FAT3: variants seen among roughly 807,000 people sequenced by gnomAD.
FAT3 encodes FAT atypical cadherin 3, also known as protocadherin Fat 3.
Under a neutral mutation model 310.2 loss-of-function variants are expected in FAT3, and 95 were observed. That is an observed-to-expected ratio of 0.31 (90% confidence interval 0.26 to 0.36). The LOEUF (loss-of-function observed/expected upper bound fraction) is 0.36, where lower values mean the gene tolerates loss of function less well. FAT3 is among the 10% of genes least tolerant of loss of function. The pLI is 1.00. For synonymous variants in FAT3, 2,314 were observed against 2,192.9 expected (o/e 1.06, Z -1.54); for missense variants, 5,408 against 5,715.6 (o/e 0.95, Z 1.74).
intron 14 of FAT3, among the ~76,000 whole-genome samples, chr11:92,833,085 G>T (rs564202264): frequency 6.6e-6 from 1 of 152,172 alleles, no homozygotes. Flanking sequence ...AGTATTAGAC[G>T]TGCTTCAGGC....
chr11:92,617,864 C>A (rs1424401724), intron 3 of FAT3, among the ~76,000 whole-genome samples: 1 of 152,136 alleles, frequency 6.6e-6, no homozygotes, highest in Non-Finnish European at 1.5e-5. Flanking sequence ...CAGAGGGGCA[C>A]CCGGCTCTAT....
chr11:92,815,488 G>A (rs7121060), intron 13 of FAT3, among the ~76,000 whole-genome samples: 2,260 of 152,150 alleles, frequency 0.015, 72 homozygotes, highest in African/African-American at 0.052. Context: ...CAGGAGAATG[G>A]CATGAACCCA....
intron 2 of FAT3, among the ~76,000 whole-genome samples, chr11:92,468,080 C>G (rs1271947538): frequency 6.6e-6 from 1 of 152,160 alleles, no homozygotes; most frequent in African/African-American, 2.4e-5. Context: ...GAGAGTCACA[C>G]CAGTGGGCTG....
chr11:92,638,765 G>T, intron 3 of FAT3, among the ~76,000 whole-genome samples: 1 of 152,148 alleles, frequency 6.6e-6, no homozygotes, highest in East Asian at 1.9e-4. Flanking sequence ...GGCCAATTGT[G>T]CTGAGCATAC....
rs1948644630 is a variant in FAT3 at position 92,353,879 on chromosome 11, T to C, written c.1767T>C (p.Tyr589=). 6.2e-7 allele frequency: 1 copy of C among 1,613,514 alleles called. No homozygotes were observed. The highest frequency in any genetic ancestry group is 8.5e-7 in the Non-Finnish European group (1 of 1,179,618). The change falls in exon 2 of 28, where the codon TAT becomes TAC. Residue 589 remains tyrosine, a synonymous_variant. Coordinates refer to ENST00000525166, the MANE Select transcript of FAT3 (RefSeq NM_001367949.2). ...EKVACQGVIS[Y]DFPVGGHITA... ...TGGCTTGCCAGGGAGTTATTTCATATGACTTTCCAGTTGGTGGTCACATCA... is the reference window on the plus strand; with the variant it reads ...TGGCTTGCCAGGGAGTTATTTCATACGACTTTCCAGTTGGTGGTCACATCA...
chr11:92,868,235 T>A (rs1270161731), intron 22 of FAT3, among the ~76,000 whole-genome samples: 1 of 152,128 alleles, frequency 6.6e-6, no homozygotes, highest in Non-Finnish European at 1.5e-5. Flanking sequence ...AAATTTAGAG[T>A]CCATTTTATT....
rs554849491 is a variant in FAT3 at position 92,645,353 on chromosome 11, G to A, written c.3608-52031G>A. ...GTAATTATTTTTTCTATACTGTTTT[G>A]ATGTTGACATTTTATGGAGCAATAC... On this transcript the variant is annotated intron_variant, in intron 3 of 27. Transcript: ENST00000525166. Among the ~76,000 whole-genome samples the A allele has an allele frequency of 1.1e-4, 16 of 152,222 alleles. 1 individual carries two copies. The South Asian group carries it at 3.1e-3, about 30-fold the overall frequency.
intron 3 of FAT3, among the ~76,000 whole-genome samples, chr11:92,565,850 A>G (rs1315532251): frequency 2.0e-5 from 3 of 152,216 alleles, no homozygotes; most frequent in Non-Finnish European, 2.9e-5. Context: ...TTCATTCTAA[A>G]AACTCTCAGT....
chr11:92,765,289 C>T (rs561305946), intron 6 of FAT3, among the ~76,000 whole-genome samples, 200 bp downstream of exon 6: 32 of 152,222 alleles, frequency 2.1e-4, no homozygotes, highest in African/African-American at 7.5e-4. Flanking sequence ...TAAGCTGAAC[C>T]GAAAGTGCTC....
At chr11:92,360,532 A>G (rs556529283) in intron 2 of FAT3, among the ~76,000 whole-genome samples, 2 of 152,326 alleles carry the variant, frequency 1.3e-5, no homozygotes, top group South Asian at 2.1e-4. Context: ...GAGGTTTTAC[A>G]CCATTTTAGA....
chr11:92,304,231 G>C (rs536191818), intron 1 of FAT3, among the ~76,000 whole-genome samples: 3 of 152,040 alleles, frequency 2.0e-5, no homozygotes, highest in African/African-American at 7.2e-5. Flanking sequence ...AATGCATCAG[G>C]GTTCCTCCTG....
At chr11:92,615,018 A>G (rs1940734537) in intron 3 of FAT3, among the ~76,000 whole-genome samples, 1 of 152,212 alleles carries the variant, frequency 6.6e-6, no homozygotes, top group African/African-American at 2.4e-5. Context: ...TCATGTGACT[A>G]TAAATGTAAG....
chr11:92,567,870 A>G (rs1180087164), intron 3 of FAT3, among the ~76,000 whole-genome samples: 1 of 124,870 alleles, frequency 8.0e-6, no homozygotes, highest in African/African-American at 3.0e-5. Flanking sequence ...GGAAGGGAAC[A>G]TCACACTCTG....
Position 92,868,544 on chromosome 11 carries a change from G to A in FAT3, c.12127+1335G>A, listed in dbSNP as rs150346834. Among the ~76,000 whole-genome samples the A allele has an allele frequency of 4.9e-3, 750 of 152,270 alleles. 11 individuals carry two copies. The highest frequency in any genetic ancestry group is 0.017 in the African/African-American group (690 of 41,558). On this transcript the variant is annotated intron_variant, in intron 22 of 27. Transcript: ENST00000525166. ...GTTTTTCACCAGGCAAAACAATTCT[G>A]CTAGTGTGAGCCATCTACGATATAT... is the stretch of plus-strand genomic sequence containing the variant.
intron 2 of FAT3, among the ~76,000 whole-genome samples, chr11:92,359,365 C>T (rs1184898975): frequency 6.6e-6 from 1 of 152,082 alleles, no homozygotes. Context: ...TGAATGCCTT[C>T]CGAATGGATA....
intron 3 of FAT3, among the ~76,000 whole-genome samples, chr11:92,583,702 A>T (rs1938964990): frequency 6.6e-6 from 1 of 151,760 alleles, no homozygotes; most frequent in Non-Finnish European, 1.5e-5. Flanking sequence ...CGCAGGACAC[A>T]CCCCCATTGT....
chr11:92,310,558 A>G (rs1483115058), intron 1 of FAT3, among the ~76,000 whole-genome samples: 1 of 152,098 alleles, frequency 6.6e-6, no homozygotes, highest in Non-Finnish European at 1.5e-5. Context: ...AAGAGATGCA[A>G]GTGTAGTTTT....
chr11:92,726,676 A>T (rs1945011027), intron 4 of FAT3, among the ~76,000 whole-genome samples: 1 of 151,960 alleles, frequency 6.6e-6, no homozygotes, highest in Non-Finnish European at 1.5e-5. Context: ...AGAATGGTTA[A>T]ACTAAAAAAT....
At chr11:92,459,931 G>A (rs948105032) in intron 2 of FAT3, among the ~76,000 whole-genome samples, 4 of 151,840 alleles carry the variant, frequency 2.6e-5, no homozygotes, top group African/African-American at 9.7e-5. Context: ...ATAATATTAA[G>A]CAAGAGAAGC....
Sources: allele counts gnomAD v4.1 joint callset (sites outside exome capture counted in the v4.1 genomes callset), GRCh38; gene constraint gnomAD v4.1.1; transcripts MANE v1.5; gene names NCBI Gene and HGNC (gene_info 2026-07-23, HGNC 2026-07-21).